Variants in YPEL3 observed in about 807,000 individuals in gnomAD.
The protein encoded by YPEL3 is protein yippee-like 3.
Under a neutral mutation model 17.5 loss-of-function variants are expected in YPEL3, and 5 were observed. The ratio of observed to expected loss-of-function variants is 0.29; its 90% confidence interval spans 0.15 to 0.60. The LOEUF is 0.60. Ranked by LOEUF, YPEL3 falls within the 20% of genes least tolerant of loss-of-function variation. The pLI is 0.87. For synonymous variants in YPEL3, 87 were observed against 87.2 expected, an observed-to-expected ratio of 1.00 and a Z score of 0.01; for missense variants, 155 against 211.4, an observed-to-expected ratio of 0.73 and a Z score of 1.65.
chr16:30,095,706 G>C lies in YPEL3; in HGVS notation c.-224C>G. On this transcript the variant is annotated 5_prime_UTR_variant, in exon 1 of 4. Coordinates refer to ENST00000398841, the MANE Select transcript of YPEL3 (RefSeq NM_031477.5). The surrounding 1 kb of genome is among the most constrained non-coding windows in gnomAD (Gnocchi z 5.4). ...TGCTGACCTGGCAGCTGAAGCTGGA[G>C]GAAGGGGCTTTGGAGGGGCTGGGCT... is the stretch of plus-strand genomic sequence containing the variant. 1 of 515,540 alleles carries C rather than the reference G, an allele frequency of 1.9e-6. No individual in the cohort carries two copies. Among genetic ancestry groups the C allele is most frequent in the Non-Finnish European group, 3.4e-6 (1 of 292,410 alleles). 31.9% of individuals were successfully genotyped at this position (515,540 alleles called of 1,614,324 possible). A position where few individuals can be genotyped will look rare whatever the true frequency, so the allele number is the denominator to read the frequency against.
Position 30,095,195 on chromosome 16 carries a change from G to A in YPEL3, c.232-49C>T. On this transcript the variant is annotated intron_variant, in intron 1 of 3. Transcript: ENST00000398841. This position sits in a 1 kb window ranked among gnomAD's most constrained non-coding sequence, Gnocchi z 5.4. ...AGAGGAGGGGGTCAGGGCTGCCGGTGGGGAGCTGCCAGGCAGCCCCTATAG... is the reference window on the plus strand; with the variant it reads ...AGAGGAGGGGGTCAGGGCTGCCGGTAGGGAGCTGCCAGGCAGCCCCTATAG... 6.2e-7 allele frequency: 1 copy of A among 1,613,802 alleles called. No homozygotes were observed. Among genetic ancestry groups the A allele is most frequent in the Non-Finnish European group, 8.5e-7 (1 of 1,179,700 alleles).
At chr16:30,092,892 A>C in intron 3 of YPEL3, 93 bp from the exon 4 acceptor site, 1 of 1,079,024 alleles carries the variant, frequency 9.3e-7, no homozygotes, top group Non-Finnish European at 1.4e-6. Flanking sequence ...CCCATTTTAC[A>C]TATGAGGAAA....
At position 30,095,226 on chromosome 16, in the gene YPEL3, A is replaced by T; in HGVS notation, c.231+26T>A. ...CTGCCAGGCAGCCCCTATAGGTTCC[A>T]GCCCCACTGTGGCCTGGTTGGTTAC... On this transcript the variant is annotated intron_variant, in intron 1 of 3. Coordinates refer to ENST00000398841, the MANE Select transcript of YPEL3 (RefSeq NM_031477.5). This position sits in a 1 kb window ranked among gnomAD's most constrained non-coding sequence, Gnocchi z 5.4. The T allele has an allele frequency of 6.2e-7, 1 of 1,614,166 alleles. No individual in the cohort carries two copies. Among genetic ancestry groups the T allele is most frequent in the Non-Finnish European group, 8.5e-7 (1 of 1,180,000 alleles).
In YPEL3 at chr16:30,092,669, G is replaced by T; in HGVS notation, c.*41C>A. 2 of 1,604,552 alleles carry T rather than the reference G, an allele frequency of 1.2e-6. No homozygotes were observed. The highest frequency in any genetic ancestry group is 1.7e-6 in the Non-Finnish European group (2 of 1,172,524). ...GGGAAGCCAGTGGCGCTCCCTGGCG[G>T]CCAGGCCGGGCTGGAGCCACATGCG... On this transcript the variant is annotated 3_prime_UTR_variant, in exon 4 of 4. Transcript: ENST00000398841.
Position 30,096,003 on chromosome 16 carries a change from G to A in YPEL3, c.-521C>T, listed in dbSNP as rs2072789651. 6.7e-6 allele frequency: 1 copy of A among 150,312 alleles called. No individual in the cohort carries two copies. Among genetic ancestry groups the A allele is most frequent in the Non-Finnish European group, 1.5e-5 (1 of 67,210 alleles). 9.3% of individuals were successfully genotyped at this position (150,312 alleles called of 1,614,324 possible). A position where few individuals can be genotyped will look rare whatever the true frequency, so the allele number is the denominator to read the frequency against. On this transcript the variant is annotated 5_prime_UTR_variant, in exon 1 of 4. Transcript: ENST00000398841. ...CTGGACTCCGGGGCTCACCTGGGGC[G>A]CGGGGGTGGGGGCGGGCGCCGGGGG...
intron 2 of YPEL3, 64 bp from the exon 3 acceptor site, chr16:30,094,961 CTG>C (rs1841510956): frequency 1.3e-6 from 2 of 1,599,650 alleles, no homozygotes; most frequent in African/African-American, 2.7e-5. Context: ...CCCTCAAGCA[CTG>C]TGTCTGTCCT....
chr16:30,094,474 C>T, intron 3 of YPEL3: 1 of 368,224 alleles, frequency 2.7e-6, no homozygotes, highest in South Asian at 2.5e-5. Flanking sequence ...CCTAGAGGAT[C>T]ACTGCAATGA....
At position 30,095,560 on chromosome 16, in the gene YPEL3, C is replaced by A; in HGVS notation, c.-78G>T. The A allele has an allele frequency of 7.9e-7, 1 of 1,266,408 alleles. No individual in the cohort carries two copies. Among genetic ancestry groups the A allele is most frequent in the Non-Finnish European group, 1.1e-6 (1 of 945,286 alleles). 78.4% of individuals were successfully genotyped at this position (1,266,408 alleles called of 1,614,324 possible). A position where few individuals can be genotyped will look rare whatever the true frequency, so the allele number is the denominator to read the frequency against. On this transcript the variant is annotated 5_prime_UTR_variant, in exon 1 of 4. Coordinates refer to ENST00000398841, the MANE Select transcript of YPEL3 (RefSeq NM_031477.5). The surrounding 1 kb of genome is among the most constrained non-coding windows in gnomAD (Gnocchi z 5.4). ...CTCCTTTCCCCAGAGCCAGCAGCCTCTCCGGGGACCAGAGGCGTCTCGGTT... is the reference window on the plus strand; with the variant it reads ...CTCCTTTCCCCAGAGCCAGCAGCCTATCCGGGGACCAGAGGCGTCTCGGTT...
At chr16:30,094,584 C>A in intron 3 of YPEL3, 1 of 608,708 alleles carries the variant, frequency 1.6e-6, no homozygotes. Context: ...AATGGGGATC[C>A]AAGTGCCTGG....
At chr16:30,094,654 G>A in intron 3 of YPEL3, 135 bp downstream of exon 3, 2 of 819,984 alleles carry the variant, frequency 2.4e-6, no homozygotes, top group Non-Finnish European at 4.2e-6. Context: ...AAGATAAAGA[G>A]AATGTGGTCA....
chr16:30,095,228 C>G lies in YPEL3; in HGVS notation c.231+24G>C. ...GCCAGGCAGCCCCTATAGGTTCCAG[C>G]CCCACTGTGGCCTGGTTGGTTACCT... On this transcript the variant is annotated intron_variant, in intron 1 of 3. Coordinates refer to ENST00000398841, the MANE Select transcript of YPEL3 (RefSeq NM_031477.5). The surrounding 1 kb of genome is among the most constrained non-coding windows in gnomAD (Gnocchi z 5.4). The G allele has an allele frequency of 1.2e-6, 2 of 1,614,074 alleles. No homozygotes were observed. Among genetic ancestry groups the G allele is most frequent in the Non-Finnish European group, 1.7e-6 (2 of 1,179,910 alleles).
At chr16:30,094,073 T>C (rs2072768361) in intron 3 of YPEL3, 1 of 153,872 alleles carries the variant, frequency 6.5e-6, no homozygotes, top group Non-Finnish European at 1.4e-5. Context: ...TCCCTTGCAG[T>C]GTCCCAAGAG....
chr16:30,092,929 T>C (rs2072749768), intron 3 of YPEL3, 130 bp from the exon 4 acceptor site: 1 of 720,106 alleles, frequency 1.4e-6, no homozygotes, highest in African/African-American at 1.8e-5. Context: ...CAGGGCCGTA[T>C]TTCTCACAAA....
chr16:30,095,875 G>A lies in YPEL3; in HGVS notation c.-393C>T, dbSNP rs991569139. 2 of 200,930 alleles carry A rather than the reference G, an allele frequency of 1.0e-5. No homozygotes were observed. Among genetic ancestry groups the A allele is most frequent in the Non-Finnish European group, 2.0e-5 (2 of 98,298 alleles). The allele number at this position is 200,930 out of a possible 1,614,324, so 12.4% of individuals were successfully genotyped here. A position where few individuals can be genotyped will look rare whatever the true frequency, so the allele number is the denominator to read the frequency against. On this transcript the variant is annotated 5_prime_UTR_variant, in exon 1 of 4. Transcript: ENST00000398841. This position sits in a 1 kb window ranked among gnomAD's most constrained non-coding sequence, Gnocchi z 5.4. ...CCACCTGGAGGAGGTAGGAGGCCTC[G>A]CCGTGAAGGTTGAGGGTCACCTAGG...
chr16:30,093,349 G>A (rs571028788), intron 3 of YPEL3, among the ~76,000 whole-genome samples: 7 of 152,150 alleles, frequency 4.6e-5, no homozygotes, highest in Non-Finnish European at 1.0e-4. Flanking sequence ...TGCAACCTCC[G>A]CTTCCCGGGT....
chr16:30,092,932 C>T, intron 3 of YPEL3, 133 bp from the exon 4 acceptor site: 4 of 696,472 alleles, frequency 5.7e-6, no homozygotes, highest in Non-Finnish European at 1.0e-5. Context: ...GGCCGTATTT[C>T]TCACAAACAC....
chr16:30,092,342 C>G lies in YPEL3; in HGVS notation c.*368G>C. 1 of 235,130 alleles carries G rather than the reference C, an allele frequency of 4.3e-6. No individual in the cohort carries two copies. Among genetic ancestry groups the G allele is most frequent in the Non-Finnish European group, 8.6e-6 (1 of 116,726 alleles). The allele number at this position is 235,130 out of a possible 1,614,324, so 14.6% of individuals were successfully genotyped here. A position where few individuals can be genotyped will look rare whatever the true frequency, so the allele number is the denominator to read the frequency against. Reference sequence around the variant, plus strand: ...CTCCACTCCATTGTTTTATTATGTACAAACGCTACAGAACGAGGGGGACAG... The same window carrying G: ...CTCCACTCCATTGTTTTATTATGTAGAAACGCTACAGAACGAGGGGGACAG... On this transcript the variant is annotated 3_prime_UTR_variant, in exon 4 of 4. Coordinates refer to ENST00000398841, the MANE Select transcript of YPEL3 (RefSeq NM_031477.5).
At chr16:30,093,157 C>T (rs1043374325) in intron 3 of YPEL3, among the ~76,000 whole-genome samples, 6 of 152,230 alleles carry the variant, frequency 3.9e-5, no homozygotes, top group East Asian at 1.9e-4. Flanking sequence ...GTAGGCCTTG[C>T]TCACTCCAGT....
rs376536095 is a variant in YPEL3 at position 30,094,938 on chromosome 16, C to T, written c.276-41G>A. ...GTAGTCCCAGGGAGGGTCCTGCCAT[C>T]ACAGGGCCCACCCCCTCAAGCACTG... is the stretch of plus-strand genomic sequence containing the variant. On this transcript the variant is annotated intron_variant, in intron 2 of 3. Coordinates refer to ENST00000398841, the MANE Select transcript of YPEL3 (RefSeq NM_031477.5). The T allele has an allele frequency of 2.5e-6, 4 of 1,599,356 alleles. No individual in the cohort carries two copies. In the African/African-American group the frequency reaches 4.0e-5, roughly 16 times the overall value.
Sources: gnomAD v4.1 joint callset for allele counts (sites outside exome capture counted in the v4.1 genomes callset) on GRCh38, gnomAD v4.1.1 for gene constraint, Gnocchi (gnomAD v3.1) non-coding constraint, MANE v1.5 for transcripts, NCBI Gene and HGNC (gene_info 2026-07-23, HGNC 2026-07-21) for gene names.